INTS4: variants seen among roughly 807,000 people sequenced by gnomAD.
INTS4 encodes the protein MSTP093.
Under a neutral mutation model 119.5 loss-of-function variants are expected in INTS4, and 70 were observed. That is an observed-to-expected ratio of 0.59 (90% confidence interval 0.48 to 0.71). The LOEUF is 0.71. Among genes scored for constraint, INTS4 ranks in the 30% least tolerant of loss-of-function variants. The pLI, the probability that INTS4 is intolerant of heterozygous loss-of-function variation, is 0.00. For missense variants in INTS4, 867 were observed against 1,173.2 expected (o/e 0.74, Z 3.81); for synonymous variants, 316 against 419.6 (o/e 0.75, Z 3.02).
At position 77,961,099 on chromosome 11, in the gene INTS4, G is replaced by C; in HGVS notation, c.511C>G (p.Leu171Val). ...GAGCCAAGATTGCCAAGTAACTGCA[G>C]GCACTTATTTCTTACACCATGAGAC... ...DTSHGVRNKCLQLLGNLGSLE... is the reference protein window; with the variant it reads ...DTSHGVRNKCVQLLGNLGSLE... Residue 171 changes from leucine to valine, a missense_variant, in exon 5 of 23, where the codon CTG becomes GTG. Physicochemically the swap from Leu to Val is conservative, Grantham distance 32 (BLOSUM62 1). Coordinates refer to ENST00000534064, the MANE Select transcript of INTS4 (RefSeq NM_033547.4). 6.2e-7 allele frequency: 1 copy of C among 1,605,582 alleles called. No individual in the cohort carries two copies. The highest frequency in any genetic ancestry group is 1.1e-5 in the South Asian group (1 of 90,670).
In INTS4 at chr11:77,918,028, T is replaced by G. The variant is rs781504169; in HGVS notation, c.1922+793A>C. 6 of 701,974 alleles carry G rather than the reference T, an allele frequency of 8.5e-6. No homozygotes were observed. In the East Asian group the frequency reaches 1.3e-4, roughly 16 times the overall value. The allele number at this position is 701,974 out of a possible 1,614,324, so 43.5% of individuals were successfully genotyped here. On this transcript the variant is annotated intron_variant, in intron 15 of 22. Coordinates refer to ENST00000534064, the MANE Select transcript of INTS4 (RefSeq NM_033547.4). ...TAAACAAACCACAGGGTGGAGATGA[T>G]ACCTTTCTCTTCCTGTTTCCTTTTC... is the stretch of plus-strand genomic sequence containing the variant.
chr11:77,891,594 T>G (rs1258018208), intron 20 of INTS4, 87 bp downstream of exon 20: 2 of 1,579,042 alleles, frequency 1.3e-6, no homozygotes, highest in Non-Finnish European at 1.7e-6. Context: ...CTAGCCCAGC[T>G]GCTCCACTGG....
At chr11:77,918,249 T>C (rs1459426499) in intron 15 of INTS4, 3 of 620,618 alleles carry the variant, frequency 4.8e-6, no homozygotes, top group Non-Finnish European at 8.8e-6. Context: ...CTGGCCACCA[T>C]GGTGAAACCT....
chr11:77,940,336 T>C (rs961168002), intron 9 of INTS4, among the ~76,000 whole-genome samples: 1 of 151,750 alleles, frequency 6.6e-6, no homozygotes, highest in Non-Finnish European at 1.5e-5. Flanking sequence ...GAGGGTGAGG[T>C]GGGAGGAATG....
chr11:77,906,383 C>G (rs192493575), intron 16 of INTS4, among the ~76,000 whole-genome samples: 1 of 152,210 alleles, frequency 6.6e-6, no homozygotes, highest in African/African-American at 2.4e-5. Flanking sequence ...CACTGTCACC[C>G]CTTGTCATTG....
chr11:77,942,610 C>T (rs543105255), intron 8 of INTS4, among the ~76,000 whole-genome samples: 1 of 152,308 alleles, frequency 6.6e-6, no homozygotes, highest in South Asian at 2.1e-4. Flanking sequence ...GATTAGGCAA[C>T]TTACTCATTT....
At chr11:77,923,602 C>T (rs1953419791) in intron 12 of INTS4, among the ~76,000 whole-genome samples, 1 of 152,026 alleles carries the variant, frequency 6.6e-6, no homozygotes, top group Non-Finnish European at 1.5e-5. Context: ...GTCATTACTT[C>T]ATAGAGTTGC....
intron 2 of INTS4, among the ~76,000 whole-genome samples, chr11:77,984,218 C>A (rs1363030062): frequency 1.3e-5 from 2 of 152,086 alleles, no homozygotes; most frequent in African/African-American, 2.4e-5. Context: ...TGAGACCGGG[C>A]ACAGTGGCTC....
chr11:77,875,980 T>C (rs1951583023), downstream of INTS4, among the ~76,000 whole-genome samples: 1 of 152,162 alleles, frequency 6.6e-6, no homozygotes, highest in Non-Finnish European at 1.5e-5. Context: ...TTCAGACTTT[T>C]TCCTGGGATG....
chr11:77,947,957 C>T (rs542475394), intron 8 of INTS4, among the ~76,000 whole-genome samples: 12 of 152,276 alleles, frequency 7.9e-5, no homozygotes, highest in South Asian at 4.1e-4. Context: ...GATCCTCCCA[C>T]CTCAGCCTCC....
At chr11:77,888,282 C>G (rs1952106531) in intron 21 of INTS4, among the ~76,000 whole-genome samples, 2 of 152,032 alleles carry the variant, frequency 1.3e-5, no homozygotes, top group South Asian at 4.2e-4. Flanking sequence ...TATCTACAAC[C>G]ATCTGATCTT....
chr11:77,988,376 C>T (rs936652544), intron 2 of INTS4, among the ~76,000 whole-genome samples: 14 of 152,150 alleles, frequency 9.2e-5, no homozygotes, highest in Admixed American at 9.2e-4. Flanking sequence ...ATTCATTCAA[C>T]AAATATTTAT....
chr11:77,919,166 A>G (rs978920905), intron 14 of INTS4, among the ~76,000 whole-genome samples, 188 bp from the exon 15 acceptor site: 4 of 152,240 alleles, frequency 2.6e-5, no homozygotes, highest in Non-Finnish European at 5.9e-5. Context: ...GAAAGAGACA[A>G]AATGCAAACA....
intron 8 of INTS4, among the ~76,000 whole-genome samples, chr11:77,949,623 T>C (rs1260419434): frequency 6.6e-6 from 1 of 151,296 alleles, no homozygotes; most frequent in African/African-American, 2.4e-5. Flanking sequence ...AGAAAGCTCA[T>C]CATCACTGGT....
At chr11:77,909,126 T>A (rs1323652249) in intron 15 of INTS4, among the ~76,000 whole-genome samples, 1 of 152,270 alleles carries the variant, frequency 6.6e-6, no homozygotes, top group Non-Finnish European at 1.5e-5. Context: ...TTTATAGCCC[T>A]GATTGCCATT....
At chr11:77,989,847 C>T (rs1338584998) in intron 2 of INTS4, among the ~76,000 whole-genome samples, 1 of 152,016 alleles carries the variant, frequency 6.6e-6, no homozygotes, top group Non-Finnish European at 1.5e-5. Context: ...TACAGTGAGC[C>T]GTGATAGCAC....
At chr11:77,986,538 G>A (rs1000347656) in intron 2 of INTS4, among the ~76,000 whole-genome samples, 2 of 152,120 alleles carry the variant, frequency 1.3e-5, no homozygotes, top group Admixed American at 6.6e-5. Flanking sequence ...ACATGTGCAC[G>A]TATGTTTATT....
intron 15 of INTS4, among the ~76,000 whole-genome samples, chr11:77,909,193 C>G (rs761376852): frequency 6.6e-6 from 1 of 152,150 alleles, no homozygotes; most frequent in Non-Finnish European, 1.5e-5. Flanking sequence ...ATGCTGAAGA[C>G]AAGAAAAGTC....
At chr11:77,917,660 T>C (rs1459259819) in intron 15 of INTS4, among the ~76,000 whole-genome samples, 1 of 151,728 alleles carries the variant, frequency 6.6e-6, no homozygotes, top group Non-Finnish European at 1.5e-5. Flanking sequence ...TTTAAACTCA[T>C]TTGCTTTTAG....
Sources: allele counts gnomAD v4.1 joint callset (sites outside exome capture counted in the v4.1 genomes callset), GRCh38; gene constraint gnomAD v4.1.1; transcripts MANE v1.5; gene names NCBI Gene and HGNC (gene_info 2026-07-23, HGNC 2026-07-21).